ENTPD1: variants seen among roughly 807,000 people sequenced by gnomAD.
ENTPD1 encodes the protein ectonucleoside triphosphate diphosphohydrolase 1, also known as ATP diphosphohydrolase.
In ENTPD1, 33 loss-of-function variants were observed where a neutral mutation model predicts 57.0. The ratio of observed to expected loss-of-function variants is 0.58; its 90% CI spans 0.44 to 0.77. ENTPD1 has a LOEUF of 0.77. Among genes scored for constraint, ENTPD1 ranks in the 30% least tolerant of loss-of-function variants. The pLI is 0.00. For missense variants in ENTPD1, 501 were observed against 603.4 expected, an observed-to-expected ratio of 0.83 and a Z score of 1.78; for synonymous variants, 202 against 218.8, an observed-to-expected ratio of 0.92 and a Z score of 0.68.
chr10:95,822,808 G>A (rs2098358402), intron 1 of ENTPD1, among the ~76,000 whole-genome samples: 1 of 152,220 alleles, frequency 6.6e-6, no homozygotes, highest in Admixed American at 6.5e-5. Context: ...GGAATAGTGG[G>A]ATTTGTTGTT....
intron 1 of ENTPD1, among the ~76,000 whole-genome samples, chr10:95,745,419 A>C (rs951648161): frequency 2.0e-5 from 3 of 152,160 alleles, no homozygotes; most frequent in Non-Finnish European, 4.4e-5. Context: ...GCCTCAAGCA[A>C]TCCTCCTGAA....
chr10:95,875,215 T>G lies in ENTPD1; in HGVS notation c.*8832T>G, dbSNP rs2098484542. ...CCACATTTATGCTCTTGTTTCCCTT[T>G]TAAAACAGAATGTTTTTAACAGCAC... On this transcript the variant is annotated 3_prime_UTR_variant, in exon 10 of 10. Transcript: ENST00000371205. 1 of 152,270 alleles carries G rather than the reference T, an allele frequency of 6.6e-6. No individual in the cohort carries two copies. The highest frequency in any genetic ancestry group is 1.5e-5 in the Non-Finnish European group (1 of 68,064). The allele number at this position is 152,270 out of a possible 1,614,324, so 9.4% of individuals were successfully genotyped here. A position where few individuals can be genotyped will look rare whatever the true frequency, so the allele number is the denominator to read the frequency against.
chr10:95,755,079 T>G (rs1412504202), upstream of ENTPD1: 1 of 152,220 alleles, frequency 6.6e-6, no homozygotes. Context: ...GGAAAACAGA[T>G]CTACATTTCT....
At chr10:95,824,837 G>A (rs949741673) in intron 2 of ENTPD1, among the ~76,000 whole-genome samples, 8 of 152,208 alleles carry the variant, frequency 5.3e-5, no homozygotes, top group South Asian at 2.1e-4. Flanking sequence ...AATGGAACAA[G>A]GTCTTTGGCA....
At chr10:95,712,179 A>G (rs530468458) in intron 1 of ENTPD1, among the ~76,000 whole-genome samples, 1 of 152,208 alleles carries the variant, frequency 6.6e-6, no homozygotes, top group Non-Finnish European at 1.5e-5. Flanking sequence ...GAATATTCAC[A>G]TTGTTCGGTC....
intron 8 of ENTPD1, 98 bp downstream of exon 8, chr10:95,860,680 C>A: frequency 9.8e-7 from 1 of 1,025,096 alleles, no homozygotes; most frequent in Admixed American, 1.9e-5. Flanking sequence ...GCTGGTTTGA[C>A]CAAGATCCAG....
chr10:95,873,519 G>C lies in ENTPD1; in HGVS notation c.*7136G>C. The C allele has an allele frequency of 4.1e-6, 4 of 985,264 alleles. No individual in the cohort carries two copies. The highest frequency in any genetic ancestry group is 4.8e-6 in the Non-Finnish European group (4 of 829,886). The allele number at this position is 985,264 out of a possible 1,614,324, so 61.0% of individuals were successfully genotyped here. ...GTATTACCTCCATGCTCTCAGTAGA[G>C]GCCCATAGGAAAGAGTAGGTAGGTT... On this transcript the variant is annotated 3_prime_UTR_variant, in exon 10 of 10. Transcript: ENST00000371205.
chr10:95,850,143 G>A (rs990291672), intron 7 of ENTPD1, among the ~76,000 whole-genome samples: 4 of 152,132 alleles, frequency 2.6e-5, no homozygotes, highest in Admixed American at 2.6e-4. Context: ...ACTCCCCCTG[G>A]AGGCTTTTCT....
At chr10:95,771,223 A>G (rs1030091513) in intron 1 of ENTPD1, among the ~76,000 whole-genome samples, 8 of 152,136 alleles carry the variant, frequency 5.3e-5, no homozygotes, top group African/African-American at 1.7e-4. Context: ...CCATATGTCT[A>G]TTTAACCATT....
At chr10:95,847,268 G>A (rs1431683892) in intron 6 of ENTPD1, 178 bp from the exon 7 acceptor site, 2 of 714,198 alleles carry the variant, frequency 2.8e-6, no homozygotes, top group Non-Finnish European at 2.4e-6. Flanking sequence ...TCTGGTGCCT[G>A]TTACACAAAT....
intron 1 of ENTPD1, among the ~76,000 whole-genome samples, chr10:95,816,062 TG>T (rs1200255747): frequency 1.3e-5 from 2 of 152,082 alleles, no homozygotes; most frequent in African/African-American, 4.8e-5. Flanking sequence ...TCCGGTGGAG[TG>T]CTCCCGGCAA....
chr10:95,753,192 G>C (rs2098014899), upstream of ENTPD1: 1 of 151,864 alleles, frequency 6.6e-6, no homozygotes, highest in Non-Finnish European at 1.5e-5. Flanking sequence ...CAATAAAATT[G>C]ATGATAATTT....
chr10:95,722,198 C>A (rs1486292109), intron 1 of ENTPD1, among the ~76,000 whole-genome samples: 1 of 151,470 alleles, frequency 6.6e-6, no homozygotes, highest in Non-Finnish European at 1.5e-5. Flanking sequence ...TCTGCTTCCA[C>A]AAGAGTCTCC....
At chr10:95,768,070 T>A (rs1242973430) in intron 1 of ENTPD1, among the ~76,000 whole-genome samples, 1 of 152,208 alleles carries the variant, frequency 6.6e-6, no homozygotes, top group South Asian at 2.1e-4. Flanking sequence ...ATCTGGAACT[T>A]CCCAGCCTCC....
rs1300717085 is a variant in ENTPD1 at position 95,791,732 on chromosome 10, TG to T, written c.17-31500del. Among the ~76,000 whole-genome samples, 9 of 152,114 alleles carry T rather than the reference TG, an allele frequency of 5.9e-5. No homozygotes were observed. Among genetic ancestry groups the T allele is most frequent in the Non-Finnish European group, 8.8e-5 (6 of 68,016 alleles). ...TGGCTGTACATTAGAATCACCCGGC[TG>T]GGGGTAGAGGTGTTAAAAGTGAACA... On this transcript the variant is annotated intron_variant, in intron 1 of 9. Coordinates refer to ENST00000371205, the MANE Select transcript of ENTPD1 (RefSeq NM_001776.6). The surrounding 1 kb of genome is among the most constrained non-coding windows in gnomAD (Gnocchi z 4.1).
At position 95,874,042 on chromosome 10, in the gene ENTPD1, C is replaced by A. The variant is rs2098483277; in HGVS notation, c.*7659C>A. 6.6e-6 allele frequency among the ~76,000 whole-genome samples: 1 copy of A among 152,144 alleles called. No individual in the cohort carries two copies. Among genetic ancestry groups the A allele is most frequent in the African/African-American group, 2.4e-5 (1 of 41,422 alleles). ...AGATTTGGGTGGGGACACAGCCAAA[C>A]CATATCATTCCTCCCTGGGCTCCTC... On this transcript the variant is annotated 3_prime_UTR_variant, in exon 10 of 10. Coordinates refer to ENST00000371205, the MANE Select transcript of ENTPD1 (RefSeq NM_001776.6).
intron 1 of ENTPD1, among the ~76,000 whole-genome samples, chr10:95,796,364 A>G (rs1359218893): frequency 2.6e-5 from 4 of 152,166 alleles, no homozygotes; most frequent in African/African-American, 4.8e-5. Context: ...TCTCAGAAAG[A>G]CTTCCTGGAA....
chr10:95,705,249 A>G, the ENTPD1 span, among the ~76,000 whole-genome samples: 2 of 150,766 alleles, frequency 1.3e-5, no homozygotes, highest in African/African-American at 2.4e-5. Flanking sequence ...AGCAAAATAT[A>G]CACTTTTAGG....
At position 95,866,309 on chromosome 10, in the gene ENTPD1, G is replaced by T. The variant is rs776001538; in HGVS notation, c.1459G>T (p.Val487Phe). 1 of 1,614,058 alleles carries T rather than the reference G, an allele frequency of 6.2e-7. No homozygotes were observed. Among genetic ancestry groups the T allele is most frequent in the Non-Finnish European group, 8.5e-7 (1 of 1,180,010 alleles). ...CTTCCTCATGGTTCTATTCTCCCTGGTCCTTTTCACAGTGGCCATCATAGG... is the reference window on the plus strand; with the variant it reads ...CTTCCTCATGGTTCTATTCTCCCTGTTCCTTTTCACAGTGGCCATCATAGG... ...YVFLMVLFSL[V>F]LFTVAIIGLL... The change falls in exon 10 of 10, where the codon GTC becomes TTC. Residue 487 changes from valine (V) to phenylalanine (F), a missense_variant. By Grantham distance (50) the Val-to-Phe change is conservative (BLOSUM62 -1). Coordinates refer to ENST00000371205, the MANE Select transcript of ENTPD1 (RefSeq NM_001776.6).
Sources: allele counts gnomAD v4.1 joint callset (sites outside exome capture counted in the v4.1 genomes callset), GRCh38; gene constraint gnomAD v4.1.1; non-coding constraint Gnocchi (gnomAD v3.1); transcripts MANE v1.5; gene names NCBI Gene and HGNC (gene_info 2026-07-23, HGNC 2026-07-21).